KAZN: variants seen among roughly 807,000 people sequenced by gnomAD.
The protein encoded by KAZN is kazrin.
KAZN carries 40 observed loss-of-function variants against 87.4 expected under a neutral mutation model. The ratio of observed to expected loss-of-function variants is 0.46; its 90% CI spans 0.36 to 0.60. The LOEUF is 0.60. KAZN is among the 20% of genes least tolerant of loss of function. The pLI, the probability that KAZN is intolerant of heterozygous loss-of-function variation, is 0.00. For missense variants in KAZN, 898 were observed against 1,073.9 expected, an observed-to-expected ratio of 0.84 and a Z score of 2.29; for synonymous variants, 466 against 458.3, an observed-to-expected ratio of 1.02 and a Z score of -0.22.
intron 1 of KAZN, among the ~76,000 whole-genome samples, chr1:14,077,487 C>T (rs1312055867): frequency 2.0e-5 from 3 of 152,190 alleles, no homozygotes; most frequent in African/African-American, 7.2e-5. Context: ...CCCTCAGCCC[C>T]TTGATCGCAG....
chr1:14,189,207 T>G (rs1174418864), intron 2 of KAZN, among the ~76,000 whole-genome samples: 1 of 152,176 alleles, frequency 6.6e-6, no homozygotes, highest in Non-Finnish European at 1.5e-5. Context: ...AAGTACTCAC[T>G]TATTCCTGTG....
intron 2 of KAZN, among the ~76,000 whole-genome samples, chr1:14,507,471 T>C (rs1012486649): frequency 3.3e-5 from 5 of 152,290 alleles, no homozygotes; most frequent in Non-Finnish European, 5.9e-5. Flanking sequence ...AAGCGATGGC[T>C]AGAAGACCTA....
intron 2 of KAZN, among the ~76,000 whole-genome samples, chr1:14,985,949 G>A (rs148172703): frequency 0.015 from 2,131 of 140,334 alleles, 48 homozygotes; most frequent in African/African-American, 0.056. Flanking sequence ...GCTGCAGTGA[G>A]CCAAGATCAC....
At chr1:14,186,330 C>T (rs1428395758) in intron 2 of KAZN, among the ~76,000 whole-genome samples, 4 of 152,036 alleles carry the variant, frequency 2.6e-5, no homozygotes, top group African/African-American at 7.2e-5. Flanking sequence ...GGTGAGGATT[C>T]GGTTAGGATT....
chr1:14,227,765 A>G (rs1647422000), intron 2 of KAZN, among the ~76,000 whole-genome samples: 1 of 152,202 alleles, frequency 6.6e-6, no homozygotes, highest in South Asian at 2.1e-4. Flanking sequence ...AATTTCCAAC[A>G]AAACAGCGGT....
At chr1:14,994,479 T>C (rs1021778638) in intron 2 of KAZN, among the ~76,000 whole-genome samples, 2 of 152,268 alleles carry the variant, frequency 1.3e-5, no homozygotes, top group Non-Finnish European at 2.9e-5. Context: ...TGTACCCATC[T>C]TCCCATCCAG....
chr1:13,916,925 T>C (rs1043997296), intron 1 of KAZN, among the ~76,000 whole-genome samples: 4 of 152,124 alleles, frequency 2.6e-5, no homozygotes, highest in Non-Finnish European at 4.4e-5. Context: ...CACAAGACTT[T>C]GTACACATGT....
chr1:14,503,325 A>T (rs1474385949), intron 2 of KAZN, among the ~76,000 whole-genome samples: 1 of 151,376 alleles, frequency 6.6e-6, no homozygotes, highest in Admixed American at 6.6e-5. Flanking sequence ...TCCACTAAAA[A>T]TACAAAAAAT....
intron 1 of KAZN, among the ~76,000 whole-genome samples, chr1:14,627,870 G>C (rs911900651): frequency 6.6e-6 from 1 of 152,204 alleles, no homozygotes; most frequent in Non-Finnish European, 1.5e-5. Flanking sequence ...GGGTTGAGGG[G>C]TAACAGGTTT....
chr1:13,999,264 C>CATGAAT (rs1237378559), intron 1 of KAZN, among the ~76,000 whole-genome samples: 4 of 152,058 alleles, frequency 2.6e-5, no homozygotes, highest in African/African-American at 9.7e-5. Context: ...AGTAGAATCG[C>CATGAAT]ATGAATCCAG....
At chr1:14,507,049 GC>G (rs1368317731) in intron 2 of KAZN, among the ~76,000 whole-genome samples, 2 of 152,152 alleles carry the variant, frequency 1.3e-5, no homozygotes, top group Non-Finnish European at 2.9e-5. Context: ...ATTTTCGTTT[GC>G]CTTCTTCCAC....
At chr1:14,425,273 A>C (rs1483229195) in intron 2 of KAZN, among the ~76,000 whole-genome samples, 1 of 152,198 alleles carries the variant, frequency 6.6e-6, no homozygotes, top group African/African-American at 2.4e-5. Flanking sequence ...ACCAAGCCTC[A>C]GGAAGCTCCT....
chr1:14,375,071 A>C (rs1660790351), intron 2 of KAZN, among the ~76,000 whole-genome samples: 1 of 152,226 alleles, frequency 6.6e-6, no homozygotes, highest in African/African-American at 2.4e-5. Flanking sequence ...CCAGGTTAAC[A>C]GCTTCCAGCC....
chr1:14,728,618 C>T (rs920730178), intron 1 of KAZN, among the ~76,000 whole-genome samples: 5 of 152,160 alleles, frequency 3.3e-5, no homozygotes, highest in Admixed American at 3.3e-4. Flanking sequence ...TTCCTATAAC[C>T]ATCACATTAC....
At chr1:14,536,179 C>T (rs1672493891) in intron 2 of KAZN, among the ~76,000 whole-genome samples, 1 of 152,212 alleles carries the variant, frequency 6.6e-6, no homozygotes, top group African/African-American at 2.4e-5. Flanking sequence ...GGGTTCAACA[C>T]TGAGTAACGA....
intron 1 of KAZN, among the ~76,000 whole-genome samples, chr1:14,795,254 C>T (rs989968941): frequency 3.3e-5 from 5 of 152,136 alleles, no homozygotes; most frequent in Non-Finnish European, 5.9e-5. Context: ...AGGACCCTGA[C>T]TAATACAATG....
At position 14,773,185 on chromosome 1, in the gene KAZN, T is replaced by C. The variant is rs1645069526; in HGVS notation, c.226+173962T>C. ...AGAGGTGCCTGCTCCTTTTGGAGCC[T>C]TTCACAATTATCTTCAGGACAAAGA... On this transcript the variant is annotated intron_variant, in intron 1 of 14. Transcript: ENST00000376030. The surrounding 1 kb of genome is among the most constrained non-coding windows in gnomAD (Gnocchi z 5.9). Among the ~76,000 whole-genome samples, 1 of 152,060 alleles carries C rather than the reference T, an allele frequency of 6.6e-6. No individual in the cohort carries two copies.
chr1:14,623,467 G>A (rs1333081867), intron 1 of KAZN, among the ~76,000 whole-genome samples: 1 of 152,192 alleles, frequency 6.6e-6, no homozygotes, highest in Non-Finnish European at 1.5e-5. Flanking sequence ...GGGCCTACCT[G>A]AGGGTGGAGG....
chr1:13,951,154 A>G (rs1054637956), intron 1 of KAZN, among the ~76,000 whole-genome samples: 5 of 152,188 alleles, frequency 3.3e-5, no homozygotes. Flanking sequence ...GAGAGGAGAC[A>G]CTGTGGGTGT....
Sources: gnomAD v4.1 joint callset for allele counts (sites outside exome capture counted in the v4.1 genomes callset) on GRCh38, gnomAD v4.1.1 for gene constraint, Gnocchi (gnomAD v3.1) non-coding constraint, MANE v1.5 for transcripts, NCBI Gene and HGNC (gene_info 2026-07-23, HGNC 2026-07-21) for gene names.